Variants in ZMYND11 observed in about 807,000 individuals in gnomAD.
ZMYND11 encodes the protein zinc finger MYND-type containing 11.
A neutral mutation model predicts 84.9 loss-of-function variants in ZMYND11; 9 were observed. The ratio of observed to expected loss-of-function variants is 0.11; its 90% CI spans 0.06 to 0.18. The LOEUF (loss-of-function observed/expected upper bound fraction) is 0.18. Ranked by LOEUF, ZMYND11 falls within the 10% of genes least tolerant of loss-of-function variation. The probability of loss-of-function intolerance (pLI) is 1.00; values close to 1 mark genes in which losing one functional copy is unlikely to be tolerated. For missense variants in ZMYND11, 409 were observed against 761.0 expected (o/e 0.54, Z 5.44); for synonymous variants, 250 against 244.1 (o/e 1.02, Z -0.23).
chr10:131,779 T>G (rs1275091100), upstream of ZMYND11, among the ~76,000 whole-genome samples: 1 of 152,078 alleles, frequency 6.6e-6, no homozygotes, highest in African/African-American at 2.4e-5. Flanking sequence ...CCTCCCGCCT[T>G]GGCCTCCCAA....
chr10:232,374 A>G (rs1222461363), intron 4 of ZMYND11, among the ~76,000 whole-genome samples: 1 of 152,242 alleles, frequency 6.6e-6, no homozygotes, highest in Non-Finnish European at 1.5e-5. Flanking sequence ...AAGTCTCTAA[A>G]TTATAACTGG....
intron 1 of ZMYND11, chr10:148,529 A>G (rs1266247745): frequency 1.3e-5 from 2 of 152,282 alleles, no homozygotes; most frequent in African/African-American, 2.4e-5. Flanking sequence ...TTCACTCCTT[A>G]GTAATTTTAT....
chr10:202,072 G>T (rs1386915734), intron 2 of ZMYND11, among the ~76,000 whole-genome samples: 1 of 152,134 alleles, frequency 6.6e-6, no homozygotes, highest in Non-Finnish European at 1.5e-5. Flanking sequence ...AAACCTGCCT[G>T]AGTACTTGAT....
intron 1 of ZMYND11, chr10:147,811 T>A (rs948391642): frequency 2.2e-4 from 33 of 152,076 alleles, no homozygotes; most frequent in African/African-American, 7.7e-4. Context: ...CATCAGATCT[T>A]GAGATACGTT....
intron 1 of ZMYND11, chr10:154,752 A>G: frequency 6.6e-6 from 1 of 152,230 alleles, no homozygotes; most frequent in Non-Finnish European, 1.5e-5. Context: ...ATAGATATAA[A>G]GATGAAAAGA....
At chr10:158,992 T>TTTG (rs1554760510) in intron 1 of ZMYND11, among the ~76,000 whole-genome samples, 1 of 80,246 alleles carries the variant, frequency 1.2e-5, no homozygotes, top group African/African-American at 3.8e-5. Context: ...TTGTTTTTTG[T>TTTG]TTTTTTTTTT....
chr10:202,721 CT>C (rs1417276504), intron 2 of ZMYND11, among the ~76,000 whole-genome samples: 1 of 152,134 alleles, frequency 6.6e-6, no homozygotes, highest in Non-Finnish European at 1.5e-5. Context: ...TGGCATACAT[CT>C]TTTTTAGTCC....
intron 2 of ZMYND11, among the ~76,000 whole-genome samples, chr10:201,021 T>C (rs1943049394): frequency 1.3e-5 from 2 of 152,084 alleles, no homozygotes; most frequent in South Asian, 4.1e-4. Flanking sequence ...CCTCCTGTTA[T>C]ACTTCCATAG....
At chr10:211,215 C>G (rs1375435273) in intron 3 of ZMYND11, among the ~76,000 whole-genome samples, 1 of 150,866 alleles carries the variant, frequency 6.6e-6, no homozygotes, top group Admixed American at 6.6e-5. Flanking sequence ...AAAAAAAAAT[C>G]TATCTATAGA....
Position 249,070 on chromosome 10 carries a change from G to T in ZMYND11, c.1668G>T (p.Gln556His). Reference sequence around the variant, plus strand: ...CACAGCACAAGCAACTGATTTCTCAGACCAAGAAGAAGCAGTGGGTAAATA... The same window carrying T: ...CACAGCACAAGCAACTGATTTCTCATACCAAGAAGAAGCAGTGGGTAAATA... ...LATQHKQLIS[Q>H]TKKKQWCYNC... Residue 556 changes from glutamine (Q) to histidine (H), a missense_variant, in exon 14 of 15, where the codon CAG (glutamine) becomes CAT (histidine). Gln to His is a conservative substitution (Grantham distance 24). This residue lies in a region of ZMYND11 where 141 missense variants were observed against 173.8 expected (regional missense o/e 0.81). Transcript: ENST00000381604. 1 of 1,614,190 alleles carries T rather than the reference G, an allele frequency of 6.2e-7. No homozygotes were observed. Among genetic ancestry groups the T allele is most frequent in the South Asian group, 1.1e-5 (1 of 91,080 alleles).
intron 1 of ZMYND11, among the ~76,000 whole-genome samples, chr10:154,131 T>C (rs2131366707): frequency 6.6e-6 from 1 of 152,352 alleles, no homozygotes; most frequent in East Asian, 1.9e-4. Context: ...TCACATGCTA[T>C]AGATGTTACT....
chr10:228,171 A>G (rs1037152140), intron 4 of ZMYND11, among the ~76,000 whole-genome samples: 10 of 152,212 alleles, frequency 6.6e-5, no homozygotes, highest in African/African-American at 2.4e-4. Context: ...ATAAAATCCT[A>G]TGTATTGTTA....
intron 2 of ZMYND11, chr10:197,804 T>G (rs1942167580): frequency 2.7e-6 from 1 of 375,106 alleles, no homozygotes; most frequent in Non-Finnish European, 4.8e-6. Flanking sequence ...GAAATGTTAT[T>G]GTTATGTAAT....
In ZMYND11 at chr10:242,549, T is replaced by G. The variant is rs1951216589; in HGVS notation, c.950+410T>G. Among the ~76,000 whole-genome samples the G allele has an allele frequency of 2.0e-5, 3 of 152,186 alleles. No individual in the cohort carries two copies. In the East Asian group the frequency reaches 5.8e-4, roughly 29 times the overall value. ...TCGTCAATCTTGTGATCTTACAATGTGTGTAAATACCTGAAGCGTGCGTGG... is the reference window on the plus strand; with the variant it reads ...TCGTCAATCTTGTGATCTTACAATGGGTGTAAATACCTGAAGCGTGCGTGG... On this transcript the variant is annotated intron_variant, in intron 10 of 14. Coordinates refer to ENST00000381604, the MANE Select transcript of ZMYND11 (RefSeq NM_001370100.5).
intron 4 of ZMYND11, among the ~76,000 whole-genome samples, chr10:229,448 TCA>T (rs888621751): frequency 3.5e-4 from 54 of 152,164 alleles, no homozygotes; most frequent in African/African-American, 1.3e-3. Context: ...AAAACTACTC[TCA>T]GTTTTTTTAC....
At chr10:229,802 T>G (rs546664135) in intron 4 of ZMYND11, among the ~76,000 whole-genome samples, 1 of 152,350 alleles carries the variant, frequency 6.6e-6, no homozygotes, top group East Asian at 1.9e-4. Flanking sequence ...CTGGACCAGC[T>G]TCACTTTTAA....
chr10:251,880 C>T (rs1299461758), intron 14 of ZMYND11, among the ~76,000 whole-genome samples: 1 of 150,194 alleles, frequency 6.7e-6, no homozygotes, highest in Non-Finnish European at 1.5e-5. Flanking sequence ...GAGACTTGGC[C>T]ACTAGATTTG....
rs750091193 is a variant in ZMYND11 at position 221,240 on chromosome 10, T to C, written c.322T>C (p.Leu108=). The C allele has an allele frequency of 1.2e-6, 2 of 1,613,966 alleles. No homozygotes were observed. Residue 108 remains leucine (L), a synonymous_variant, in exon 4 of 15, where the codon TTG becomes CTG. Transcript: ENST00000381604. The part of the protein sequence containing the change: ...NHDWYCFECH[L]PGEVLICDLC... ...TGACTGGTATTGTTTTGAATGCCAT[T>C]TGCCTGGAGAGGTGTTGATATGTGA...
chr10:225,293 T>C (rs1382407633), intron 4 of ZMYND11, among the ~76,000 whole-genome samples: 1 of 152,238 alleles, frequency 6.6e-6, no homozygotes, highest in Non-Finnish European at 1.5e-5. Flanking sequence ...ATGAAACTAT[T>C]TGTCAATTTT....
Sources: gnomAD v4.1 joint callset for allele counts (sites outside exome capture counted in the v4.1 genomes callset) on GRCh38, gnomAD v4.1.1 for gene constraint, gnomAD v4.1.1 regional missense constraint, MANE v1.5 for transcripts, NCBI Gene and HGNC (gene_info 2026-07-23, HGNC 2026-07-21) for gene names.